PPP1CB: variants seen among roughly 807,000 people sequenced by gnomAD.
PPP1CB encodes the protein protein phosphatase 1 catalytic subunit beta.
Under a neutral mutation model 43.7 loss-of-function variants are expected in PPP1CB, and 2 were observed. That is an observed-to-expected ratio of 0.05 (90% CI 0.02 to 0.14). The LOEUF (loss-of-function observed/expected upper bound fraction) is 0.14. PPP1CB is among the 10% of genes least tolerant of loss of function. PPP1CB has a pLI of 1.00. For synonymous variants in PPP1CB, 136 were observed against 135.6 expected (o/e 1.00, Z -0.02); for missense variants, 84 against 398.0 (o/e 0.21, Z 6.71).
intron 1 of PPP1CB, among the ~76,000 whole-genome samples, chr2:28,765,087 T>G (rs535463722): frequency 3.3e-5 from 5 of 152,234 alleles, no homozygotes; most frequent in African/African-American, 1.2e-4. Flanking sequence ...CAGACACATA[T>G]ATATCACATA....
rs762001126 is a variant in PPP1CB, at chr2:28,794,017, A to G, written c.879+20A>G. The G allele has an allele frequency of 3.2e-6, 5 of 1,567,742 alleles. No homozygotes were observed. The Admixed American group carries it at 5.3e-5, about 17-fold the overall frequency. ...TTTCAGGTATGATGTAAACATAAAT[A>G]TATAAGAACTAGAAATCTAATAAAA... is the stretch of plus-strand genomic sequence containing the variant. On this transcript the variant is annotated intron_variant, in intron 7 of 7. Coordinates refer to ENST00000395366, the MANE Select transcript of PPP1CB (RefSeq NM_002709.3).
At chr2:28,766,941 C>T (rs368163159) in intron 1 of PPP1CB, among the ~76,000 whole-genome samples, 38 of 152,002 alleles carry the variant, frequency 2.5e-4, no homozygotes, top group African/African-American at 8.7e-4. Flanking sequence ...ATTAGCCGGG[C>T]GTGGTGGCGG....
At chr2:28,772,054 C>T (rs1046833384) in intron 1 of PPP1CB, among the ~76,000 whole-genome samples, 8 of 151,400 alleles carry the variant, frequency 5.3e-5, no homozygotes, top group African/African-American at 1.7e-4. Flanking sequence ...CAGTGGCTCA[C>T]GCCTGTAATC....
intron 1 of PPP1CB, among the ~76,000 whole-genome samples, chr2:28,762,284 CTAAATAAA>C (rs35438907): frequency 6.6e-6 from 1 of 151,538 alleles, no homozygotes; most frequent in Non-Finnish European, 1.5e-5. Flanking sequence ...GACTGTGTCT[CTAAATAAA>C]TAAATAAATA....
intron 5 of PPP1CB, among the ~76,000 whole-genome samples, chr2:28,784,913 G>C (rs1667227832): frequency 1.7e-5 from 1 of 58,308 alleles, no homozygotes; most frequent in African/African-American, 7.1e-5. Flanking sequence ...GAGTGAAACT[G>C]TCTCAAAAAA....
chr2:28,777,501 T>C (rs1667066810), intron 2 of PPP1CB, among the ~76,000 whole-genome samples: 1 of 152,254 alleles, frequency 6.6e-6, no homozygotes, highest in South Asian at 2.1e-4. Flanking sequence ...TCTGTGGTCT[T>C]CTAACTTTGA....
rs141050112 is a variant in PPP1CB, at chr2:28,752,151, C to T, written c.27C>T (p.Asp9=). The T allele has an allele frequency of 1.9e-3, 2,941 of 1,548,978 alleles. 5 individuals carry two copies. Among genetic ancestry groups the T allele is most frequent in the Non-Finnish European group, 2.4e-3 (2,698 of 1,145,756 alleles). ...TGGCGGACGGGGAGCTGAACGTGGA[C>T]AGCCTCATCACCCGGCTGCTGGAGG... MADGELNV[D]SLITRLLEVR... Residue 9 remains aspartate (D), a synonymous_variant, in exon 1 of 8, where the codon GAC becomes GAT. Coordinates refer to ENST00000395366, the MANE Select transcript of PPP1CB (RefSeq NM_002709.3).
intron 5 of PPP1CB, among the ~76,000 whole-genome samples, chr2:28,787,162 T>A (rs1341620702): frequency 6.6e-6 from 1 of 152,146 alleles, no homozygotes; most frequent in Non-Finnish European, 1.5e-5. Context: ...CTTAACTCTT[T>A]AAAAATTATC....
intron 3 of PPP1CB, among the ~76,000 whole-genome samples, chr2:28,780,330 A>G (rs1162755488): frequency 6.6e-6 from 1 of 152,084 alleles, no homozygotes. Context: ...ACCTCAGGTG[A>G]TCCACCCGCC....
chr2:28,764,405 A>G (rs1216857792), intron 1 of PPP1CB, among the ~76,000 whole-genome samples: 1 of 150,584 alleles, frequency 6.6e-6, no homozygotes, highest in African/African-American at 2.4e-5. Flanking sequence ...GCTTGCAGTG[A>G]GCTGAGATTG....
At chr2:28,762,136 T>C (rs1366337455) in intron 1 of PPP1CB, among the ~76,000 whole-genome samples, 4 of 152,042 alleles carry the variant, frequency 2.6e-5, no homozygotes, top group African/African-American at 9.7e-5. Flanking sequence ...TATAAAAAAG[T>C]TAGCTGGGCG....
chr2:28,781,244 T>G (rs890147233), intron 3 of PPP1CB, among the ~76,000 whole-genome samples: 3 of 152,106 alleles, frequency 2.0e-5, no homozygotes, highest in Non-Finnish European at 4.4e-5. Flanking sequence ...TTCTATGTAT[T>G]TATGATGTAC....
At chr2:28,790,991 A>G (rs1341254323) in intron 6 of PPP1CB, among the ~76,000 whole-genome samples, 2 of 152,192 alleles carry the variant, frequency 1.3e-5, no homozygotes, top group South Asian at 2.1e-4. Context: ...TAAGGAAGGG[A>G]TTACAACTTG....
chr2:28,791,855 A>C (rs1027315731), intron 6 of PPP1CB, among the ~76,000 whole-genome samples: 4 of 152,182 alleles, frequency 2.6e-5, no homozygotes, highest in African/African-American at 9.7e-5. Flanking sequence ...TGTTTTCCAG[A>C]AACTGCCAAA....
chr2:28,761,866 A>G (rs1482541885), intron 1 of PPP1CB, among the ~76,000 whole-genome samples: 1 of 152,176 alleles, frequency 6.6e-6, no homozygotes, highest in Non-Finnish European at 1.5e-5. Flanking sequence ...TGTATCTTAA[A>G]CTTTGAGTCT....
rs75926334 is a variant in PPP1CB at position 28,767,668 on chromosome 2, A to G, written c.53-9183A>G. ...TGCTCAGCTCTGCCATTGTAGCATG[A>G]ATGTGTCCAGTGATAAATAAGTGGC... On this transcript the variant is annotated intron_variant, in intron 1 of 7. Transcript: ENST00000395366. 8.1e-3 allele frequency among the ~76,000 whole-genome samples: 1,235 copies of G among 152,342 alleles called. 18 individuals carry two copies. The highest frequency in any genetic ancestry group is 0.028 in the African/African-American group (1,165 of 41,572).
chr2:28,756,467 A>G (rs1666490861), intron 1 of PPP1CB, among the ~76,000 whole-genome samples: 1 of 152,162 alleles, frequency 6.6e-6, no homozygotes, highest in Non-Finnish European at 1.5e-5. Flanking sequence ...AAACAGGTAT[A>G]GTACTCTTAA....
At chr2:28,795,057 G>GTGTT (rs1667472036) in intron 7 of PPP1CB, among the ~76,000 whole-genome samples, 1 of 152,176 alleles carries the variant, frequency 6.6e-6, no homozygotes, top group Admixed American at 6.5e-5. Flanking sequence ...TGTTTACCCA[G>GTGTT]TGTTTAGCTC....
intron 6 of PPP1CB, among the ~76,000 whole-genome samples, chr2:28,791,095 A>G (rs1667374669): frequency 1.3e-5 from 2 of 152,324 alleles, no homozygotes; most frequent in East Asian, 3.9e-4. Flanking sequence ...AAGCGTATTT[A>G]ATTAAGTATA....
Sources: allele counts gnomAD v4.1 joint callset (sites outside exome capture counted in the v4.1 genomes callset), GRCh38; gene constraint gnomAD v4.1.1; transcripts MANE v1.5; gene names NCBI Gene and HGNC (gene_info 2026-07-23, HGNC 2026-07-21).